The following MATR3 variants were observed in gnomAD, a reference collection of about 807,000 sequenced individuals.
MATR3 encodes the protein matrin-3.
MATR3 carries 4 observed loss-of-function variants against 85.5 expected under a neutral mutation model. The observed-to-expected ratio is 0.05, with a 90% CI of 0.02 to 0.11. MATR3 has a LOEUF of 0.11. MATR3 is among the 10% of genes least tolerant of loss of function. MATR3 has a pLI of 1.00. For synonymous variants in MATR3, 336 were observed against 343.1 expected (o/e 0.98, Z 0.23); for missense variants, 685 against 1,016.1 (o/e 0.67, Z 4.43).
intron 3 of MATR3, 182 bp downstream of exon 3, chr5:139,314,918 G>T (rs1755165409): frequency 1.2e-5 from 7 of 577,234 alleles, no homozygotes; most frequent in South Asian, 5.5e-5. Flanking sequence ...TTGAATATTA[G>T]ATGCAGTAAT....
At chr5:139,327,107 C>T (rs1755890555) in intron 14 of MATR3, among the ~76,000 whole-genome samples, 1 of 152,126 alleles carries the variant, frequency 6.6e-6, no homozygotes, top group South Asian at 2.1e-4. Flanking sequence ...CTTCTTTGGA[C>T]TACCTATTGA....
rs1234248896 is a variant in MATR3 at position 139,330,870 on chromosome 5, C to A, written c.*1475C>A. On this transcript the variant is annotated 3_prime_UTR_variant, in exon 15 of 15. Coordinates refer to ENST00000394805, the MANE Select transcript of MATR3 (RefSeq NM_018834.6). ...TGGAGTGCAGTGGCACAGTTCTCTGCAACCTCAGCCTTTGGGCTCAAATGA... is the reference window on the plus strand; with the variant it reads ...TGGAGTGCAGTGGCACAGTTCTCTGAAACCTCAGCCTTTGGGCTCAAATGA... 1 of 453,826 alleles carries A rather than the reference C, an allele frequency of 2.2e-6. No individual in the cohort carries two copies. The highest frequency in any genetic ancestry group is 1.6e-5 in the South Asian group (1 of 64,404). The allele number at this position is 453,826 out of a possible 1,614,324, so 28.1% of individuals were successfully genotyped here.
upstream of MATR3, chr5:139,293,667 C>G: frequency 3.8e-6 from 1 of 262,612 alleles, no homozygotes; most frequent in Non-Finnish European, 7.2e-6. Flanking sequence ...AGCTCTCTCG[C>G]GAGAGTGGGT....
chr5:139,294,120 T>G, intron 1 of MATR3: 2 of 1,167,720 alleles, frequency 1.7e-6, no homozygotes, highest in South Asian at 3.1e-5. Context: ...CCGGCCGAGC[T>G]TCCTGCGCGT....
chr5:139,319,130 G>A (rs1755409108), intron 8 of MATR3, 97 bp downstream of exon 8: 1 of 1,400,474 alleles, frequency 7.1e-7, no homozygotes, highest in East Asian at 2.4e-5. Context: ...GGCCAGGTGT[G>A]GTGGCTCACG....
rs1439631172 is a variant in MATR3, at chr5:139,294,338, C to T, written c.-178+533C>T. 2.6e-5 allele frequency among the ~76,000 whole-genome samples: 4 copies of T among 152,110 alleles called. No individual in the cohort carries two copies. The East Asian group carries it at 7.7e-4, about 29-fold the overall frequency. ...CGCCTTTTTTTCTCTGAAAATGTTC[C>T]CCCAAAATGGAGGATTTCGCAGACT... On this transcript the variant is annotated intron_variant, in intron 1 of 14. Coordinates refer to ENST00000394805, the MANE Select transcript of MATR3 (RefSeq NM_018834.6).
chr5:139,326,098 T>A, intron 13 of MATR3, 65 bp from the exon 14 acceptor site: 1 of 1,311,418 alleles, frequency 7.6e-7, no homozygotes, highest in African/African-American at 1.5e-5. Flanking sequence ...TGTTGACAGG[T>A]GAAATTGTGA....
intron 12 of MATR3, among the ~76,000 whole-genome samples, chr5:139,324,535 C>G (rs897684538): frequency 9.9e-5 from 15 of 152,024 alleles, no homozygotes; most frequent in African/African-American, 3.4e-4. Context: ...TCAGGGTGAT[C>G]CGCCCACCTC....
chr5:139,325,178 G>T, intron 12 of MATR3: 1 of 1,393,858 alleles, frequency 7.2e-7, no homozygotes, highest in Non-Finnish European at 9.5e-7. Flanking sequence ...GGTCGACAGA[G>T]CAAGACTCCG....
intron 14 of MATR3, among the ~76,000 whole-genome samples, chr5:139,327,305 T>G (rs933825671): frequency 3.5e-5 from 4 of 115,812 alleles, no homozygotes; most frequent in South Asian, 2.4e-4. Context: ...GTCACTTCTG[T>G]TTTTTTTTTT....
At chr5:139,318,386 G>A (rs1222669633) in intron 7 of MATR3, among the ~76,000 whole-genome samples, 5 of 151,958 alleles carry the variant, frequency 3.3e-5, no homozygotes, top group Non-Finnish European at 7.4e-5. Context: ...CACCCGCCTT[G>A]GCCTCCCAAA....
chr5:139,291,915 T>C (rs564810022), upstream of MATR3: 6 of 152,196 alleles, frequency 3.9e-5, no homozygotes, highest in Non-Finnish European at 7.3e-5. Flanking sequence ...GACCAGCTTT[T>C]TCACTTTATT....
At chr5:139,300,525 A>G (rs75110530) in intron 1 of MATR3, among the ~76,000 whole-genome samples, 3 of 152,198 alleles carry the variant, frequency 2.0e-5, no homozygotes, top group African/African-American at 4.8e-5. Flanking sequence ...TTTTGCCTCT[A>G]AAAGTTTTTC....
intron 14 of MATR3, 24 bp downstream of exon 14, chr5:139,326,308 C>G (rs747966089): frequency 6.2e-7 from 1 of 1,610,160 alleles, no homozygotes; most frequent in Non-Finnish European, 8.5e-7. Flanking sequence ...TAAAACAGTT[C>G]TTTTGTGAAA....
chr5:139,290,061 A>G (rs1404066712), upstream of MATR3, among the ~76,000 whole-genome samples: 1 of 151,984 alleles, frequency 6.6e-6, no homozygotes, highest in African/African-American at 2.4e-5. Context: ...CCCTTCATAT[A>G]TACATATATT....
Position 139,323,157 on chromosome 5 carries a change from T to G in MATR3, c.2148+190T>G, listed in dbSNP as rs2288823. Among the ~76,000 whole-genome samples the G allele has an allele frequency of 0.52, 78,761 of 151,980 alleles. 24,414 individuals are homozygous for G. Among genetic ancestry groups the G allele is most frequent in the Non-Finnish European group, 0.7 (47,519 of 67,954 alleles). ...ATTAAATAAGACATTTTATTATAGT[T>G]GGCAAAAAACATCAGCTCAAAGAGG... On this transcript the variant is annotated intron_variant, in intron 12 of 14. Transcript: ENST00000394805.
chr5:139,287,441 A>T (rs1753739754), intron 3 of MATR3, among the ~76,000 whole-genome samples: 1 of 152,102 alleles, frequency 6.6e-6, no homozygotes, highest in Non-Finnish European at 1.5e-5. Flanking sequence ...CAATGTGGCG[A>T]AACCCCATCT....
chr5:139,319,222 AG>A (rs1755414370), intron 8 of MATR3, 111 bp from the exon 9 acceptor site: 1 of 1,337,950 alleles, frequency 7.5e-7, no homozygotes. Context: ...TGGGCAACAT[AG>A]CAAGACCTCG....
intron 6 of MATR3, among the ~76,000 whole-genome samples, 157 bp from the exon 7 acceptor site, chr5:139,317,439 C>T (rs1330408085): frequency 6.6e-6 from 1 of 152,134 alleles, no homozygotes; most frequent in South Asian, 2.1e-4. Context: ...TACCCAGTGA[C>T]GTTTGATATG....
Sources: allele counts gnomAD v4.1 joint callset (sites outside exome capture counted in the v4.1 genomes callset), GRCh38; gene constraint gnomAD v4.1.1; transcripts MANE v1.5; gene names NCBI Gene and HGNC (gene_info 2026-07-23, HGNC 2026-07-21).